Variants in MSH6 observed in about 807,000 individuals in gnomAD.
MSH6 encodes the protein DNA mismatch repair protein Msh6.
In MSH6, 85 loss-of-function variants were observed where a neutral mutation model predicts 119.1. The ratio of observed to expected loss-of-function variants is 0.71; its 90% CI spans 0.60 to 0.85. The LOEUF (loss-of-function observed/expected upper bound fraction) is 0.85, where lower values mean the gene tolerates loss of function less well. Ranked by LOEUF, MSH6 falls within the 40% of genes least tolerant of loss-of-function variation. The pLI is 0.00. For synonymous variants in MSH6, 830 were observed against 586.9 expected, an observed-to-expected ratio of 1.41 and a Z score of -5.99; for missense variants, 2,163 against 1,655.3, an observed-to-expected ratio of 1.31 and a Z score of -5.32.
At chr2:47,808,796 C>A, downstream of MSH6, 1 of 260,468 alleles carries the variant, frequency 3.8e-6, no homozygotes. Context: ...TCTAGGAAAA[C>A]ATTACACAAC....
downstream of MSH6, chr2:47,808,607 C>G (rs539221200): frequency 3.9e-6 from 2 of 517,082 alleles, no homozygotes; most frequent in East Asian, 3.0e-5. Context: ...TTCCTGTCAT[C>G]TGTGTCTTCG....
At chr2:47,809,327 G>T, downstream of MSH6, 3 of 1,054,176 alleles carry the variant, frequency 2.8e-6, no homozygotes, top group South Asian at 4.5e-5. Context: ...AAAAACCAAA[G>T]ATTATAGGAT....
chr2:47,809,406 A>C, downstream of MSH6: 1 of 687,346 alleles, frequency 1.5e-6, no homozygotes, highest in Non-Finnish European at 2.4e-6. Context: ...AATTGTAAGA[A>C]ATCAGCTAAG....
chr2:47,797,997 C>T (rs1336954259), intron 3 of MSH6: 1 of 210,598 alleles, frequency 4.7e-6, no homozygotes, highest in Non-Finnish European at 1.0e-5. Context: ...CTGCTTCCTT[C>T]ATAATGCTGC....
intron 1 of MSH6, chr2:47,783,921 G>GGGGGGGGGGGGGGGGGGC: frequency 1.2e-6 from 1 of 830,518 alleles, no homozygotes; most frequent in Non-Finnish European, 1.4e-6. Flanking sequence ...GGGGTGGCGG[G>GGGGGGGGGGGGGGGGGGC]AAGGAGGAAT....
chr2:47,784,720 C>CAT (rs1668243333), intron 1 of MSH6: 4 of 152,364 alleles, frequency 2.6e-5, no homozygotes, highest in African/African-American at 9.6e-5. Context: ...GCCTCGGCCT[C>CAT]AAAGTGCTGG....
chr2:47,803,218 T>C (rs1303443426), intron 4 of MSH6, among the ~76,000 whole-genome samples: 2 of 152,190 alleles, frequency 1.3e-5, no homozygotes, highest in African/African-American at 4.8e-5. Flanking sequence ...GTGCCTGGCC[T>C]CTGCTCTATC....
At chr2:47,787,312 G>A (rs1376457336) in intron 1 of MSH6, among the ~76,000 whole-genome samples, 1 of 152,052 alleles carries the variant, frequency 6.6e-6, no homozygotes, top group African/African-American at 2.4e-5. Context: ...ATAAAAGTTG[G>A]TGAAAATGTT....
Position 47,806,629 on chromosome 2 carries a change from A to T in MSH6, c.3979A>T (p.Asn1327Tyr), listed in dbSNP as rs756216566. ...HRKAREFEKM[N>Y]QSLRLFREVC... ...AAAAGCAAGAGAATTTGAGAAGATG[A>T]ATCAGTCACTACGATTATTTCGGTA... The change falls in exon 9 of 10, where the codon AAT becomes TAT. Residue 1327 changes from asparagine (N) to tyrosine (Y), a missense_variant. Coordinates refer to ENST00000234420, the MANE Select transcript of MSH6 (RefSeq NM_000179.3). 2 of 1,611,910 alleles carry T rather than the reference A, an allele frequency of 1.2e-6. No individual in the cohort carries two copies. The highest frequency in any genetic ancestry group is 1.7e-6 in the Non-Finnish European group (2 of 1,179,726).
Position 47,783,162 on chromosome 2 carries a change from G to C in MSH6, c.-72G>C. 2 of 1,591,314 alleles carry C rather than the reference G, an allele frequency of 1.3e-6. No individual in the cohort carries two copies. Among genetic ancestry groups the C allele is most frequent in the African/African-American group, 1.4e-5 (1 of 72,592 alleles). On this transcript the variant is annotated 5_prime_UTR_variant, in exon 1 of 10. Transcript: ENST00000234420. ...CTCCCCCCAGATTTCCCGCCAGCAG[G>C]AGCCGCGCGGTAGATGCGGTGCTTT...
At chr2:47,783,556 A>C in intron 1 of MSH6, 63 bp downstream of exon 1, 3 of 1,160,494 alleles carry the variant, frequency 2.6e-6, no homozygotes, top group Non-Finnish European at 3.3e-6. Context: ...GAACCCGGCG[A>C]GGGGAGGCTC....
rs768803986 is a variant in MSH6 at position 47,783,380 on chromosome 2, C to T, written c.147C>T (p.Ala49=). ...CTCCTTCCCCAGGCGGGGATGCGGCCTGGAGCGAGGCTGGGCCTGGGCCCA... is the reference window on the plus strand; with the variant it reads ...CTCCTTCCCCAGGCGGGGATGCGGCTTGGAGCGAGGCTGGGCCTGGGCCCA... The part of the protein sequence containing the change: ...GASPSPGGDA[A]WSEAGPGPRP... The change falls in exon 1 of 10, where the codon GCC becomes GCT. Residue 49 remains alanine, a synonymous_variant. Coordinates refer to ENST00000234420, the MANE Select transcript of MSH6 (RefSeq NM_000179.3). The T allele has an allele frequency of 2.5e-5, 40 of 1,592,786 alleles. No homozygotes were observed. The highest frequency in any genetic ancestry group is 3.4e-5 in the Non-Finnish European group (40 of 1,169,672).
At chr2:47,786,119 A>T (rs113880334) in intron 1 of MSH6, among the ~76,000 whole-genome samples, 4 of 152,294 alleles carry the variant, frequency 2.6e-5, no homozygotes, top group African/African-American at 9.6e-5. Flanking sequence ...CAGCTCTGTA[A>T]ACCGAAACCA....
chr2:47,785,162 T>G (rs944210472), intron 1 of MSH6, among the ~76,000 whole-genome samples: 5 of 151,404 alleles, frequency 3.3e-5, no homozygotes, highest in Non-Finnish European at 5.9e-5. Flanking sequence ...GGTCGCTATT[T>G]GAACAAACGA....
intron 9 of MSH6, 61 bp downstream of exon 9, chr2:47,806,712 A>G (rs1282183836): frequency 6.3e-7 from 1 of 1,582,610 alleles, no homozygotes; most frequent in African/African-American, 1.4e-5. Flanking sequence ...AGAAACAGTA[A>G]AAGGGGAAGG....
chr2:47,806,091 T>C, intron 7 of MSH6, 113 bp from the exon 8 acceptor site: 1 of 1,016,174 alleles, frequency 9.8e-7, no homozygotes, highest in Non-Finnish European at 1.5e-6. Context: ...AGAATGCTTT[T>C]AGACGTGGAT....
intron 4 of MSH6, among the ~76,000 whole-genome samples, chr2:47,802,426 G>A (rs1669656266): frequency 6.6e-6 from 1 of 152,066 alleles, no homozygotes; most frequent in Admixed American, 6.6e-5. Flanking sequence ...AAACTGCTGG[G>A]TTCAAGTGAT....
intron 2 of MSH6, 50 bp downstream of exon 2, chr2:47,791,173 TG>T: frequency 1.3e-6 from 2 of 1,528,912 alleles, no homozygotes; most frequent in Non-Finnish European, 1.8e-6. Context: ...TGTGTGTGTG[TG>T]TGAGAGAAAC....
rs1114167802 is a variant in MSH6, at chr2:47,783,367, G to C, written c.134G>C (p.Gly45Ala). 2 of 1,602,248 alleles carry C rather than the reference G, an allele frequency of 1.2e-6. No homozygotes were observed. The highest frequency in any genetic ancestry group is 2.7e-5 in the African/African-American group (2 of 74,362). Residue 45 changes from glycine (G) to alanine (A), a missense_variant, in exon 1 of 10, where the codon GGC becomes GCC. Transcript: ENST00000234420. ...GCCCCCGGGGCCTCTCCTTCCCCAG[G>C]CGGGGATGCGGCCTGGAGCGAGGCT... ...AAAPGASPSPGGDAAWSEAGP... is the reference protein window; with the variant it reads ...AAAPGASPSPAGDAAWSEAGP...
Sources: gnomAD v4.1 joint callset for allele counts (sites outside exome capture counted in the v4.1 genomes callset) on GRCh38, gnomAD v4.1.1 for gene constraint, MANE v1.5 for transcripts, NCBI Gene and HGNC (gene_info 2026-07-23, HGNC 2026-07-21) for gene names.